The following RRP8 variants were observed in gnomAD, a reference collection of about 807,000 sequenced individuals.
The protein encoded by RRP8 is ribosomal RNA processing 8.
Under a neutral mutation model 45.0 loss-of-function variants are expected in RRP8, and 48 were observed. The ratio of observed to expected loss-of-function variants is 1.07; its 90% CI spans 0.85 to 1.36. RRP8 has a LOEUF of 1.36. RRP8 is among the 40% of genes most tolerant of loss of function. The pLI is 0.00. For synonymous variants in RRP8, 274 were observed against 212.4 expected (o/e 1.29, Z -2.52); for missense variants, 658 against 573.7 (o/e 1.15, Z -1.50).
In RRP8 at chr11:6,601,896, G is replaced by C. The variant is rs1161727894; in HGVS notation, c.419C>G (p.Ala140Gly). ...EKRKRKCQKH[A>G]PINSAQHLDN... ...CAGGTGCTGGGCTGAATTTATAGGGGCATGTTTCTGGCATTTCCTCTTTCT... is the reference window on the plus strand; with the variant it reads ...CAGGTGCTGGGCTGAATTTATAGGGCCATGTTTCTGGCATTTCCTCTTTCT... The change falls in exon 2 of 7, where the codon GCC becomes GGC. Residue 140 changes from alanine to glycine, a missense_variant. Transcript: ENST00000254605. The C allele has an allele frequency of 6.2e-7, 1 of 1,614,028 alleles. No individual in the cohort carries two copies. Among genetic ancestry groups the C allele is most frequent in the Non-Finnish European group, 8.5e-7 (1 of 1,179,952 alleles).
rs745760171 is a variant in RRP8 at position 6,600,795 on chromosome 11, T to C, written c.1048-20A>G. ...AGGAACCTGTGGAGAGTGAGAGTGT[T>C]GTATAAGGCACACAGTGCAGAAGAA... is the stretch of plus-strand genomic sequence containing the variant. On this transcript the variant is annotated intron_variant, in intron 4 of 6. Transcript: ENST00000254605. 6.2e-7 allele frequency: 1 copy of C among 1,610,520 alleles called. No homozygotes were observed.
rs1052668607 is a variant in RRP8, at chr11:6,599,257, T to C, written c.*889A>G. On this transcript the variant is annotated 3_prime_UTR_variant, in exon 7 of 7. Transcript: ENST00000254605. ...AAACAATAAGGCTTACAACACATAA[T>C]AGTCATAGCTAGTTTACTGAGCACC... The C allele has an allele frequency of 1.3e-5, 2 of 152,240 alleles. No homozygotes were observed. Among genetic ancestry groups the C allele is most frequent in the African/African-American group, 4.8e-5 (2 of 41,462 alleles). The allele number at this position is 152,240 out of a possible 1,614,324, so 9.4% of individuals were successfully genotyped here.
Position 6,599,745 on chromosome 11 carries a change from G to A in RRP8, c.*401C>T, listed in dbSNP as rs1055163238. The stretch of plus-strand genomic sequence containing the variant: ...TGAAGCTGAAGGAGCAGAAGCTATG[G>A]GTGAGCAGAGGAAGCTGATCTGTAG... On this transcript the variant is annotated 3_prime_UTR_variant, in exon 7 of 7. Transcript: ENST00000254605. 5 of 152,678 alleles carry A rather than the reference G, an allele frequency of 3.3e-5. No homozygotes were observed. Among genetic ancestry groups the A allele is most frequent in the African/African-American group, 1.2e-4 (5 of 41,472 alleles). The allele number at this position is 152,678 out of a possible 1,614,324, so 9.5% of individuals were successfully genotyped here.
chr11:6,597,523 C>T lies in RRP8; in HGVS notation c.*2623G>A, dbSNP rs1854246854. ...TTACTCAGCAATCCTTACCCCACTG[C>T]ATTCTGAGTTCTCTCTCATCTCAAT... On this transcript the variant is annotated 3_prime_UTR_variant, in exon 7 of 7. Transcript: ENST00000254605. 1 of 147,484 alleles carries T rather than the reference C, an allele frequency of 6.8e-6. No individual in the cohort carries two copies. The allele number at this position is 147,484 out of a possible 1,614,324, so 9.1% of individuals were successfully genotyped here.
chr11:6,602,374 C>A, intron 1 of RRP8, 159 bp from the exon 2 acceptor site: 2 of 775,496 alleles, frequency 2.6e-6, no homozygotes, highest in Non-Finnish European at 3.8e-6. Flanking sequence ...GTCACCACCC[C>A]AACTTCTGGG....
In RRP8 at chr11:6,601,040, C is replaced by T. The variant is rs534090319; in HGVS notation, c.933G>A (p.Val311=). ...RDLRQRPASL[V]VADFGCGDCR... The stretch of plus-strand genomic sequence containing the variant: ...AATCCCCACAGCCGAAGTCAGCCAC[C>T]ACTAGGGATGCAGGCCTGAGAGTGG... The change falls in exon 4 of 7, where the codon GTG becomes GTA. Residue 311 remains valine, a synonymous_variant. Transcript: ENST00000254605. 1.2e-6 allele frequency: 2 copies of T among 1,614,208 alleles called. No homozygotes were observed. The highest frequency in any genetic ancestry group is 2.2e-5 in the East Asian group (1 of 44,886).
At position 6,603,481 on chromosome 11, in the gene RRP8, C is replaced by T; in HGVS notation, c.22G>A (p.Ala8Thr). Residue 8 changes from alanine (A) to threonine (T), a missense_variant, in exon 1 of 7, where the codon GCC becomes ACC. Ala to Thr is a moderately conservative substitution (Grantham distance 58). Transcript: ENST00000254605. The stretch of plus-strand genomic sequence containing the variant: ...CCCGCGGCTACTGGGGCCGCCTCGG[C>T]CCACTCAGGCTCTTCGAACATGAGG... MFEEPEW[A>T]EAAPVAAGLG... 6.3e-7 allele frequency: 1 copy of T among 1,594,602 alleles called. No individual in the cohort carries two copies. The highest frequency in any genetic ancestry group is 8.5e-7 in the Non-Finnish European group (1 of 1,171,982).
At position 6,600,252 on chromosome 11, in the gene RRP8, C is replaced by T. The variant is rs759041939; in HGVS notation, c.1265G>A (p.Ser422Asn). 2 of 1,597,568 alleles carry T rather than the reference C, an allele frequency of 1.3e-6. No individual in the cohort carries two copies. Among genetic ancestry groups the T allele is most frequent in the South Asian group, 1.1e-5 (1 of 88,364 alleles). Reference sequence around the variant, plus strand: ...TTGGAAATCAAACAAGAAGAAATGGCTGTTGGTCAGGTCCTAGGGGCAGAA... The same window carrying T: ...TTGGAAATCAAACAAGAAGAAATGGTTGTTGGTCAGGTCCTAGGGGCAGAA... ...FKIVSKDLTN[S>N]HFFLFDFQKT... is the part of the protein sequence containing the mutation. The change falls in exon 7 of 7, where the codon AGC becomes AAC. Residue 422 changes from serine to asparagine, a missense_variant. Physicochemically the swap from Ser to Asn is conservative, Grantham distance 46 (BLOSUM62 1). Transcript: ENST00000254605.
Position 6,601,970 on chromosome 11 carries a change from TTTC to T in RRP8, c.342_344del (p.Lys115del). On this transcript the variant is annotated inframe_deletion, in exon 2 of 7. Coordinates refer to ENST00000254605, the MANE Select transcript of RRP8 (RefSeq NM_015324.4). ...TGCCAACAAGAGCCTGTTTGTGGCA[TTTC>T]TTCTTCCTTTCTACTTCTTCCTCAG... 1.2e-6 allele frequency: 2 copies of T among 1,614,222 alleles called. No homozygotes were observed. The highest frequency in any genetic ancestry group is 1.7e-6 in the Non-Finnish European group (2 of 1,180,034).
In RRP8 at chr11:6,603,598, C is replaced by A. The variant is rs1471580693; in HGVS notation, c.-96G>T. ...AGCGCTCAGACCTGCCAGAACCGAC[C>A]CGGAAACCAAAGCGTGACAGCCAGG... On this transcript the variant is annotated 5_prime_UTR_variant, in exon 1 of 7. Coordinates refer to ENST00000254605, the MANE Select transcript of RRP8 (RefSeq NM_015324.4). 3 of 735,296 alleles carry A rather than the reference C, an allele frequency of 4.1e-6. No homozygotes were observed. The highest frequency in any genetic ancestry group is 6.4e-6 in the Non-Finnish European group (3 of 471,444). 45.5% of individuals were successfully genotyped at this position (735,296 alleles called of 1,614,324 possible).
intron 1 of RRP8, 52 bp downstream of exon 1, chr11:6,603,352 A>G (rs1854501352): frequency 7.5e-7 from 1 of 1,336,614 alleles, no homozygotes; most frequent in Admixed American, 2.1e-5. Flanking sequence ...GGATCCACCA[A>G]TGTCCGCTTC....
At position 6,600,793 on chromosome 11, in the gene RRP8, G is replaced by A; in HGVS notation, c.1048-18C>T. The A allele has an allele frequency of 6.2e-7, 1 of 1,610,782 alleles. No individual in the cohort carries two copies. Among genetic ancestry groups the A allele is most frequent in the Middle Eastern group, 1.7e-4 (1 of 5,908 alleles). ...AGAGGAACCTGTGGAGAGTGAGAGT[G>A]TTGTATAAGGCACACAGTGCAGAAG... On this transcript the variant is annotated intron_variant, in intron 4 of 6. Coordinates refer to ENST00000254605, the MANE Select transcript of RRP8 (RefSeq NM_015324.4).
Position 6,600,985 on chromosome 11 carries a change from C to T in RRP8, c.988G>A (p.Val330Met), listed in dbSNP as rs138239906. The part of the protein sequence containing the change: ...CRLASSIRNP[V>M]HCFDLASLDP... Reference sequence around the variant, plus strand: ...AGAGAAGCCAAGTCAAAGCAATGCACAGGGTTCCGGATACTTGAAGCCAAG... The same window carrying T: ...AGAGAAGCCAAGTCAAAGCAATGCATAGGGTTCCGGATACTTGAAGCCAAG... Residue 330 changes from valine (V) to methionine (M), a missense_variant, in exon 4 of 7, where the codon GTG becomes ATG. By Grantham distance (21) the Val-to-Met change is conservative. Coordinates refer to ENST00000254605, the MANE Select transcript of RRP8 (RefSeq NM_015324.4). 9.3e-6 allele frequency: 15 copies of T among 1,614,098 alleles called. No homozygotes were observed. The African/African-American group carries it at 1.3e-4, about 14-fold the overall frequency.
chr11:6,601,896 G>T lies in RRP8; in HGVS notation c.419C>A (p.Ala140Asp), dbSNP rs1161727894. ...CAGGTGCTGGGCTGAATTTATAGGG[G>T]CATGTTTCTGGCATTTCCTCTTTCT... The part of the protein sequence containing the change: ...EKRKRKCQKH[A>D]PINSAQHLDN... The change falls in exon 2 of 7, where the codon GCC becomes GAC. Residue 140 changes from alanine to aspartate, a missense_variant. Ala to Asp is a moderately radical substitution (Grantham distance 126). Coordinates refer to ENST00000254605, the MANE Select transcript of RRP8 (RefSeq NM_015324.4). 6.2e-7 allele frequency: 1 copy of T among 1,614,028 alleles called. No homozygotes were observed. The highest frequency in any genetic ancestry group is 8.5e-7 in the Non-Finnish European group (1 of 1,179,952).
intron 6 of RRP8, 76 bp downstream of exon 6, chr11:6,600,410 C>T (rs1340274445): frequency 2.8e-6 from 4 of 1,448,368 alleles, no homozygotes; most frequent in Non-Finnish European, 3.8e-6. Flanking sequence ...GTGCCTAAAG[C>T]CTCCTTCCTG....
chr11:6,602,370 A>AT, intron 1 of RRP8, 155 bp from the exon 2 acceptor site: 3 of 809,212 alleles, frequency 3.7e-6, no homozygotes, highest in Non-Finnish European at 5.4e-6. Context: ...TTATGTCACC[A>AT]CCCCAACTTC....
intron 1 of RRP8, among the ~76,000 whole-genome samples, chr11:6,603,156 T>C (rs532105276): frequency 6.6e-6 from 1 of 152,342 alleles, no homozygotes; most frequent in African/African-American, 2.4e-5. Flanking sequence ...CAGAACATGC[T>C]CTCTTGTCCC....
At position 6,602,079 on chromosome 11, in the gene RRP8, G is replaced by A. The variant is rs746306115; in HGVS notation, c.236C>T (p.Ala79Val). Residue 79 changes from alanine to valine, a missense_variant, in exon 2 of 7, where the codon GCA becomes GTA. Ala to Val is a moderately conservative substitution (Grantham distance 64, BLOSUM62 0). Coordinates refer to ENST00000254605, the MANE Select transcript of RRP8 (RefSeq NM_015324.4). ...TTCAGCAGAGGCACTGGCAAATGAT[G>A]CCTTTTTGGGGCATTTCTTCTTCCT... The part of the protein sequence containing the change: ...EERKKKCPKK[A>V]SFASASAEVG... 1.2e-6 allele frequency: 2 copies of A among 1,613,648 alleles called. No homozygotes were observed. The highest frequency in any genetic ancestry group is 2.2e-5 in the East Asian group (1 of 44,874).
In RRP8 at chr11:6,601,042, C is replaced by A; in HGVS notation, c.931G>T (p.Val311Leu). 6.2e-7 allele frequency: 1 copy of A among 1,614,236 alleles called. No homozygotes were observed. The highest frequency in any genetic ancestry group is 1.7e-5 in the Admixed American group (1 of 60,034). The change falls in exon 4 of 7, where the codon GTG becomes TTG. Residue 311 changes from valine to leucine, a missense_variant. Transcript: ENST00000254605. ...TCCCCACAGCCGAAGTCAGCCACCA[C>A]TAGGGATGCAGGCCTGAGAGTGGAA... is the stretch of plus-strand genomic sequence containing the variant. ...RDLRQRPASL[V>L]VADFGCGDCR...
Sources: allele counts gnomAD v4.1 joint callset (sites outside exome capture counted in the v4.1 genomes callset), GRCh38; gene constraint gnomAD v4.1.1; transcripts MANE v1.5; gene names NCBI Gene and HGNC (gene_info 2026-07-23, HGNC 2026-07-21).